Variants in ARHGEF6 observed in about 807,000 individuals in gnomAD.
ARHGEF6 encodes rho guanine nucleotide exchange factor 6.
A neutral mutation model predicts 70.3 loss-of-function variants in ARHGEF6; 9 were observed. That is an observed-to-expected ratio of 0.13 (90% CI 0.08 to 0.22). The LOEUF is 0.22. Ranked by LOEUF, ARHGEF6 falls within the 10% of genes least tolerant of loss-of-function variation. The pLI is 1.00. For missense variants in ARHGEF6, 470 were observed against 563.0 expected, an observed-to-expected ratio of 0.83 and a Z score of 1.67; for synonymous variants, 201 against 207.8, an observed-to-expected ratio of 0.97 and a Z score of 0.28.
At chrX:136,710,073 A>C (rs1368305441) in intron 7 of ARHGEF6, among the ~76,000 whole-genome samples, 1 of 110,376 alleles carries the variant, frequency 9.1e-6, no homozygotes, top group Admixed American at 9.7e-5. Context: ...TGGGAGGCTA[A>C]GGCAGGCAGA....
chrX:136,779,390 G>C, intron 2 of ARHGEF6, 24 bp downstream of exon 2: 1 of 1,188,285 alleles, frequency 8.4e-7, no homozygotes, highest in South Asian at 1.8e-5. Flanking sequence ...ATGACAACAG[G>C]GAAGGCACCC....
chrX:136,671,774 C>A (rs772278511), intron 20 of ARHGEF6, among the ~76,000 whole-genome samples: 71 of 112,278 alleles, frequency 6.3e-4, no homozygotes, highest in Non-Finnish European at 1.0e-3. Context: ...GGGGAGCTGG[C>A]TGCAGGGGCA....
At chrX:136,717,668 T>C (rs1415641919) in intron 6 of ARHGEF6, among the ~76,000 whole-genome samples, 2 of 111,905 alleles carry the variant, frequency 1.8e-5, no homozygotes, top group African/African-American at 3.2e-5. Flanking sequence ...TACTAATGTG[T>C]ATTTATGTGT....
At position 136,773,386 on chromosome X, in the gene ARHGEF6, T is replaced by C. The variant is rs1032570081; in HGVS notation, c.249+6028A>G. ...CTCTATCCAGGGACATTTGCAAATA[T>C]TTATGTTTAAGTCTGTCTTCCAGCT... is the stretch of plus-strand genomic sequence containing the variant. On this transcript the variant is annotated intron_variant, in intron 2 of 21. Coordinates refer to ENST00000250617, the MANE Select transcript of ARHGEF6 (RefSeq NM_004840.3). Among the ~76,000 whole-genome samples, 8 of 111,810 alleles carry C rather than the reference T, an allele frequency of 7.2e-5. No homozygotes were observed. In the Admixed American group the frequency reaches 7.5e-4, roughly 11 times the overall value.
chrX:136,670,845 G>A (rs760910160), intron 20 of ARHGEF6, among the ~76,000 whole-genome samples: 1 of 110,920 alleles, frequency 9.0e-6, no homozygotes, highest in South Asian at 3.9e-4. Flanking sequence ...GTAATTTTTT[G>A]GTAATTACTG....
intron 21 of ARHGEF6, among the ~76,000 whole-genome samples, chrX:136,668,733 C>A (rs897705621): frequency 8.3e-5 from 9 of 108,584 alleles, no homozygotes; most frequent in Admixed American, 8.0e-4. Flanking sequence ...CTCATCAGGT[C>A]CTAAAGTGAA....
intron 5 of ARHGEF6, among the ~76,000 whole-genome samples, chrX:136,733,206 G>T (rs1209024905): frequency 1.8e-5 from 2 of 108,835 alleles, no homozygotes; most frequent in African/African-American, 6.7e-5. Context: ...CTTTCCTACT[G>T]CATTTTCTCC....
In ARHGEF6 at chrX:136,667,566, C is replaced by T; in HGVS notation, c.*463G>A. On this transcript the variant is annotated 3_prime_UTR_variant, in exon 22 of 22. Coordinates refer to ENST00000250617, the MANE Select transcript of ARHGEF6 (RefSeq NM_004840.3). ...TAAGAGGCTTGCAGGTACAGGAAAGCCCTGGGGAAAAGTTGGGTTCACATT... is the reference window on the plus strand; with the variant it reads ...TAAGAGGCTTGCAGGTACAGGAAAGTCCTGGGGAAAAGTTGGGTTCACATT... 1 of 146,004 alleles carries T rather than the reference C, an allele frequency of 6.8e-6. No homozygotes were observed. The highest frequency in any genetic ancestry group is 1.7e-4 in the South Asian group (1 of 5,925). The allele number at this position is 146,004 out of a possible 1,213,427, so 12.0% of individuals were successfully genotyped here. A position where few individuals can be genotyped will look rare whatever the true frequency, so the allele number is the denominator to read the frequency against.
rs201649989 is a variant in ARHGEF6 at position 136,686,592 on chromosome X, GTGTATATATA to G, written c.1246-779_1246-770del. Among the ~76,000 whole-genome samples, 85 of 59,680 alleles carry G rather than the reference GTGTATATATA, an allele frequency of 1.4e-3. 1 individual carries two copies. Among genetic ancestry groups the G allele is most frequent in the African/African-American group, 5.9e-3 (81 of 13,689 alleles). 51.8% of individuals were successfully genotyped at this position (59,680 alleles called of 115,157 possible). A position where few individuals can be genotyped will look rare whatever the true frequency, so the allele number is the denominator to read the frequency against. On this transcript the variant is annotated intron_variant, in intron 11 of 21. Coordinates refer to ENST00000250617, the MANE Select transcript of ARHGEF6 (RefSeq NM_004840.3). ...TCTATATATATGTGTGTGTATGTGT[GTGTATATATA>G]TATATATATATATATATATACACAT...
At chrX:136,750,518 C>A (rs1477148096) in intron 2 of ARHGEF6, among the ~76,000 whole-genome samples, 1 of 111,302 alleles carries the variant, frequency 9.0e-6, no homozygotes, top group African/African-American at 3.3e-5. Context: ...CCAGTTAGTT[C>A]CAGTTAGATC....
intron 18 of ARHGEF6, among the ~76,000 whole-genome samples, chrX:136,675,627 T>C (rs1409738549): frequency 9.1e-6 from 1 of 110,416 alleles, no homozygotes; most frequent in Non-Finnish European, 1.9e-5. Flanking sequence ...GCCATTCTCC[T>C]GCCTCAGCCT....
chrX:136,727,809 C>T (rs1311673788), intron 6 of ARHGEF6, among the ~76,000 whole-genome samples: 2 of 111,618 alleles, frequency 1.8e-5, no homozygotes, highest in African/African-American at 6.5e-5. Context: ...GCTGGGATTA[C>T]AGGCGTGAGC....
intron 2 of ARHGEF6, among the ~76,000 whole-genome samples, chrX:136,757,527 T>A (rs1265077867): frequency 1.8e-5 from 2 of 112,127 alleles, no homozygotes; most frequent in African/African-American, 6.5e-5. Context: ...TCACTGTGCC[T>A]CTCTCTGACA....
At chrX:136,760,202 T>C (rs1212504833) in intron 2 of ARHGEF6, among the ~76,000 whole-genome samples, 1 of 112,648 alleles carries the variant, frequency 8.9e-6, no homozygotes, top group Non-Finnish European at 1.9e-5. Flanking sequence ...CCTAAGAAAC[T>C]GGCAAGTGCC....
intron 2 of ARHGEF6, chrX:136,767,140 T>C: frequency 1.3e-6 from 1 of 754,430 alleles, no homozygotes; most frequent in Non-Finnish European, 1.6e-6. Flanking sequence ...CCCAGGCAGG[T>C]CACCTGGCTC....
At chrX:136,749,173 A>T (rs2077126008) in intron 2 of ARHGEF6, among the ~76,000 whole-genome samples, 1 of 112,187 alleles carries the variant, frequency 8.9e-6, no homozygotes, top group Non-Finnish European at 1.9e-5. Context: ...CTTTTCCAGA[A>T]ATACATTGAC....
intron 12 of ARHGEF6, among the ~76,000 whole-genome samples, chrX:136,683,174 G>T (rs991125730): frequency 9.0e-6 from 1 of 111,427 alleles, no homozygotes; most frequent in African/African-American, 3.3e-5. Flanking sequence ...CACAAAATAA[G>T]TCTCCAGGTT....
rs780646142 is a variant in ARHGEF6 at position 136,675,616 on chromosome X, C to T, written c.1946-520G>A. Among the ~76,000 whole-genome samples, 767 of 110,149 alleles carry T rather than the reference C, an allele frequency of 7.0e-3. 3 individuals carry two copies. The highest frequency in any genetic ancestry group is 0.012 in the Non-Finnish European group (605 of 52,607). ...CTGCAAGCTCCGCCTCCCGGGTTCA[C>T]GCCATTCTCCTGCCTCAGCCTCCCG... On this transcript the variant is annotated intron_variant, in intron 18 of 21. Coordinates refer to ENST00000250617, the MANE Select transcript of ARHGEF6 (RefSeq NM_004840.3).
intron 2 of ARHGEF6, among the ~76,000 whole-genome samples, chrX:136,753,918 A>G (rs1264924721): frequency 1.8e-5 from 2 of 111,910 alleles, no homozygotes; most frequent in East Asian, 2.8e-4. Context: ...TTAACTCTCT[A>G]TGTTTTCTTT....
Sources: allele counts gnomAD v4.1 joint callset (sites outside exome capture counted in the v4.1 genomes callset), GRCh38; gene constraint gnomAD v4.1.1; transcripts MANE v1.5; gene names NCBI Gene and HGNC (gene_info 2026-07-23, HGNC 2026-07-21).